The following MFN2 variants were observed in gnomAD, a reference collection of about 807,000 sequenced individuals.
MFN2 encodes mitofusin-2.
MFN2 carries 43 observed loss-of-function variants against 87.5 expected under a neutral mutation model. The observed-to-expected ratio is 0.49, with a 90% CI of 0.38 to 0.63. The LOEUF is 0.63. MFN2 is among the 30% of genes least tolerant of loss of function. MFN2 has a pLI of 0.00. For missense variants in MFN2, 743 were observed against 972.8 expected, an observed-to-expected ratio of 0.76 and a Z score of 3.14; for synonymous variants, 337 against 359.9, an observed-to-expected ratio of 0.94 and a Z score of 0.72.
Position 12,003,841 on chromosome 1 carries a change from TG to T in MFN2, c.1161-148del. Reference sequence around the variant, plus strand: ...TTGGCTGCAGGGTCCTCTTCTTACCTGGGAAGGGGAAGGCCATGCCCCTGGG... The same window carrying T: ...TTGGCTGCAGGGTCCTCTTCTTACCTGGAAGGGGAAGGCCATGCCCCTGGG... On this transcript the variant is annotated intron_variant, in intron 11 of 18. Coordinates refer to ENST00000235329, the MANE Select transcript of MFN2 (RefSeq NM_014874.4). The surrounding 1 kb of genome is among the most constrained non-coding windows in gnomAD (Gnocchi z 4.1). 2 of 992,906 alleles carry T rather than the reference TG, an allele frequency of 2.0e-6. No individual in the cohort carries two copies. The highest frequency in any genetic ancestry group is 1.3e-5 in the South Asian group (1 of 76,072). 61.5% of individuals were successfully genotyped at this position (992,906 alleles called of 1,614,324 possible). A position where few individuals can be genotyped will look rare whatever the true frequency, so the allele number is the denominator to read the frequency against.
At chr1:11,997,520 C>G (rs1638965154) in intron 6 of MFN2, 99 bp downstream of exon 6, 3 of 1,526,430 alleles carry the variant, frequency 2.0e-6, no homozygotes, top group South Asian at 2.3e-5. Flanking sequence ...CATCCTTGCT[C>G]TGCTTAAGTA....
chr1:12,011,210 C>T (rs749259288), intron 18 of MFN2, among the ~76,000 whole-genome samples: 3 of 152,184 alleles, frequency 2.0e-5, no homozygotes, highest in Admixed American at 1.3e-4. Context: ...AAACTGAGTT[C>T]CCGACAGCTC....
chr1:11,990,343 CAA>C lies in MFN2; in HGVS notation c.175+1002_175+1003del, dbSNP rs376034892. Among the ~76,000 whole-genome samples, 12 of 152,334 alleles carry C rather than the reference CAA, an allele frequency of 7.9e-5. No individual in the cohort carries two copies. In the East Asian group the frequency reaches 2.3e-3, roughly 29 times the overall value. ...TTCCTAAATACTTGTTGAACTAAAA[CAA>C]ATCTGAATTTTAAAGTAGTATGATT... On this transcript the variant is annotated intron_variant, in intron 3 of 18. Transcript: ENST00000235329.
chr1:12,005,625 C>T lies in MFN2; in HGVS notation c.1496-86C>T, dbSNP rs1569864734. The T allele has an allele frequency of 8.1e-6, 11 of 1,353,000 alleles. No individual in the cohort carries two copies. In the East Asian group the frequency reaches 1.8e-4, roughly 23 times the overall value. 83.8% of individuals were successfully genotyped at this position (1,353,000 alleles called of 1,614,324 possible). ...AGCTGTTCAGCATCCCTGGCAGTAGCTGGTAGAGCCCTGTCTCCAAGGCTT... is the reference window on the plus strand; with the variant it reads ...AGCTGTTCAGCATCCCTGGCAGTAGTTGGTAGAGCCCTGTCTCCAAGGCTT... On this transcript the variant is annotated intron_variant, in intron 14 of 18. Transcript: ENST00000235329.
chr1:12,006,129 G>T (rs1639404029), intron 15 of MFN2, among the ~76,000 whole-genome samples, 198 bp downstream of exon 15: 1 of 151,180 alleles, frequency 6.6e-6, no homozygotes, highest in Non-Finnish European at 1.5e-5. Context: ...TTTGTGAAAT[G>T]ACAGATGCTA....
intron 8 of MFN2, among the ~76,000 whole-genome samples, chr1:12,001,137 A>C (rs1020682391): frequency 2.6e-5 from 4 of 152,076 alleles, no homozygotes; most frequent in African/African-American, 9.7e-5. Context: ...CAGCCTCCTG[A>C]GTAGCTGGGA....
intron 2 of MFN2, among the ~76,000 whole-genome samples, chr1:11,988,054 C>T (rs1303447449): frequency 6.6e-6 from 1 of 151,260 alleles, no homozygotes; most frequent in Non-Finnish European, 1.5e-5. Context: ...TGTAGCACAC[C>T]TGTGCTATAC....
chr1:12,005,670 G>T, intron 14 of MFN2, 41 bp from the exon 15 acceptor site: 1 of 1,590,168 alleles, frequency 6.3e-7, no homozygotes, highest in South Asian at 1.1e-5. Context: ...GTGGTGCAGG[G>T]CTGAGCTGAT....
Position 12,011,459 on chromosome 1 carries a change from C to G in MFN2, c.2205-37C>G, listed in dbSNP as rs368604076. 1.9e-6 allele frequency: 3 copies of G among 1,611,018 alleles called. No individual in the cohort carries two copies. The African/African-American group carries it at 4.0e-5, about 22-fold the overall frequency. On this transcript the variant is annotated intron_variant, in intron 18 of 18. Coordinates refer to ENST00000235329, the MANE Select transcript of MFN2 (RefSeq NM_014874.4). ...GGGTAGTCCTAATACTGCCTATCAT[C>G]AGCTATCATGGTTACAAAAGAACCA...
rs1230108993 is a variant in MFN2 at position 12,011,940 on chromosome 1, A to T, written c.*375A>T. ...TTGAGGGTATCACACAGACACCCCC[A>T]CCTTCCTCCAGCCTGTGCGCACCTG... On this transcript the variant is annotated 3_prime_UTR_variant, in exon 19 of 19. Coordinates refer to ENST00000235329, the MANE Select transcript of MFN2 (RefSeq NM_014874.4). 3 of 305,836 alleles carry T rather than the reference A, an allele frequency of 9.8e-6. No individual in the cohort carries two copies. Among genetic ancestry groups the T allele is most frequent in the Non-Finnish European group, 1.9e-5 (3 of 157,286 alleles). 18.9% of individuals were successfully genotyped at this position (305,836 alleles called of 1,614,324 possible).
At chr1:11,981,427 C>A (rs955499336) in intron 1 of MFN2, among the ~76,000 whole-genome samples, 1 of 152,186 alleles carries the variant, frequency 6.6e-6, no homozygotes, top group African/African-American at 2.4e-5. Context: ...CGCTTGAACC[C>A]GGGAGGCGGA....
At chr1:11,988,603 C>T (rs1638534796) in intron 2 of MFN2, among the ~76,000 whole-genome samples, 1 of 152,040 alleles carries the variant, frequency 6.6e-6, no homozygotes, top group South Asian at 2.1e-4. Context: ...GTGGACTGAT[C>T]ATAGGTCACT....
chr1:11,980,534 G>T (rs995008718), intron 1 of MFN2, 50 bp downstream of exon 1: 9 of 397,896 alleles, frequency 2.3e-5, no homozygotes, highest in South Asian at 1.3e-4. Context: ...GGCCCGGCCC[G>T]GCGAGTCCTG....
At chr1:11,989,026 T>A (rs1638552938) in intron 2 of MFN2, 139 bp from the exon 3 acceptor site, 2 of 954,842 alleles carry the variant, frequency 2.1e-6, no homozygotes. Flanking sequence ...TATCTCACCG[T>A]CCTTTGTTCT....
intron 2 of MFN2, among the ~76,000 whole-genome samples, chr1:11,988,030 G>C (rs1638498620): frequency 1.3e-5 from 2 of 151,824 alleles, no homozygotes; most frequent in African/African-American, 4.8e-5. Context: ...TTCCCCTTCA[G>C]TTTCCAAATT....
At position 12,004,186 on chromosome 1, in the gene MFN2, C is replaced by T. The variant is rs1350990348; in HGVS notation, c.1287+68C>T. On this transcript the variant is annotated intron_variant, in intron 12 of 18. Transcript: ENST00000235329. This position sits in a 1 kb window ranked among gnomAD's most constrained non-coding sequence, Gnocchi z 4.2. The stretch of plus-strand genomic sequence containing the variant: ...GAGTAGAGTCCAGAAGAAAGCAGAC[C>T]TCCTCCTCTTAGGGACTTCTCAGCC... The T allele has an allele frequency of 8.8e-6, 14 of 1,596,354 alleles. No individual in the cohort carries two copies. Among genetic ancestry groups the T allele is most frequent in the Admixed American group, 1.7e-5 (1 of 59,066 alleles).
At chr1:12,005,555 C>T (rs2100852075) in intron 14 of MFN2, among the ~76,000 whole-genome samples, 156 bp from the exon 15 acceptor site, 1 of 152,372 alleles carries the variant, frequency 6.6e-6, no homozygotes, top group South Asian at 2.1e-4. Context: ...GTGAGGCATG[C>T]TCAGTCTCAC....
rs3830887 is a variant in MFN2 at position 12,006,161 on chromosome 1, T to TA, written c.1716+233dup. Among the ~76,000 whole-genome samples, 91,371 of 152,014 alleles carry TA rather than the reference T, an allele frequency of 0.6. 27,800 individuals are homozygous for TA. The highest frequency in any genetic ancestry group is 0.63 in the South Asian group (3,052 of 4,808). On this transcript the variant is annotated intron_variant, in intron 15 of 18. Transcript: ENST00000235329. ...GCTAGTATTTTTCTCTAATACACATTAAAGTAAGTATGTAACTATTAAAAA... is the reference window on the plus strand; with the variant it reads ...GCTAGTATTTTTCTCTAATACACATTAAAAGTAAGTATGTAACTATTAAAAA...
intron 8 of MFN2, among the ~76,000 whole-genome samples, chr1:12,001,044 C>T (rs1639147224): frequency 6.6e-6 from 1 of 152,106 alleles, no homozygotes; most frequent in South Asian, 2.1e-4. Flanking sequence ...TTTTCCCTCA[C>T]TCTGTCGCCC....
Sources: allele counts gnomAD v4.1 joint callset (sites outside exome capture counted in the v4.1 genomes callset), GRCh38; gene constraint gnomAD v4.1.1; non-coding constraint Gnocchi (gnomAD v3.1); transcripts MANE v1.5; gene names NCBI Gene and HGNC (gene_info 2026-07-23, HGNC 2026-07-21).